Variants in ATP6V1H observed in about 807,000 individuals in gnomAD.
The protein encoded by ATP6V1H is ATPase H+ transporting V1 subunit H.
In ATP6V1H, 39 loss-of-function variants were observed where a neutral mutation model predicts 71.7. The ratio of observed to expected loss-of-function variants is 0.54; its 90% CI spans 0.42 to 0.71. ATP6V1H has a LOEUF of 0.71. Among genes scored for constraint, ATP6V1H ranks in the 30% least tolerant of loss-of-function variants. ATP6V1H has a pLI of 0.00. For synonymous variants in ATP6V1H, 192 were observed against 199.3 expected (o/e 0.96, Z 0.31); for missense variants, 509 against 594.9 (o/e 0.86, Z 1.50).
At chr8:53,729,709 G>C (rs929342753) in intron 13 of ATP6V1H, among the ~76,000 whole-genome samples, 54 of 152,202 alleles carry the variant, frequency 3.5e-4, no homozygotes, top group African/African-American at 1.3e-3. Flanking sequence ...TAAACTACAA[G>C]TGAGAAAGGA....
intron 7 of ATP6V1H, among the ~76,000 whole-genome samples, chr8:53,802,445 ACAGTGG>A (rs1809943310): frequency 1.3e-5 from 2 of 152,218 alleles, no homozygotes; most frequent in Non-Finnish European, 2.9e-5. Flanking sequence ...TAGGCTATGC[ACAGTGG>A]TTCATGCCTG....
intron 6 of ATP6V1H, among the ~76,000 whole-genome samples, chr8:53,813,220 GC>G (rs1810341784): frequency 6.6e-6 from 1 of 151,940 alleles, no homozygotes; most frequent in South Asian, 2.1e-4. Flanking sequence ...TTAAAACCGA[GC>G]CCCAAACCAG....
At chr8:53,806,270 G>A (rs889173485) in intron 7 of ATP6V1H, among the ~76,000 whole-genome samples, 1 of 151,842 alleles carries the variant, frequency 6.6e-6, no homozygotes, top group African/African-American at 2.4e-5. Flanking sequence ...AAAAAAAACT[G>A]TCATGACACT....
chr8:53,782,259 C>T (rs1483672953), intron 9 of ATP6V1H, among the ~76,000 whole-genome samples: 1 of 151,942 alleles, frequency 6.6e-6, no homozygotes, highest in African/African-American at 2.4e-5. Flanking sequence ...TCCTTCACAT[C>T]CCTTGTAAGT....
chr8:53,746,824 T>TA (rs1223559253), intron 12 of ATP6V1H, among the ~76,000 whole-genome samples: 1 of 152,172 alleles, frequency 6.6e-6, no homozygotes, highest in African/African-American at 2.4e-5. Flanking sequence ...AAAATATCAT[T>TA]AAAAAGACAA....
chr8:53,717,944 G>A (rs1018911015), intron 13 of ATP6V1H, among the ~76,000 whole-genome samples: 8 of 152,076 alleles, frequency 5.3e-5, no homozygotes, highest in African/African-American at 1.9e-4. Flanking sequence ...ACAGTAAGAC[G>A]TGGTTCTCTC....
In ATP6V1H at chr8:53,795,787, T is replaced by C. The variant is rs1165401886; in HGVS notation, c.730A>G (p.Ile244Val). The C allele has an allele frequency of 6.2e-7, 1 of 1,613,830 alleles. No homozygotes were observed. Among genetic ancestry groups the C allele is most frequent in the Non-Finnish European group, 8.5e-7 (1 of 1,179,954 alleles). ...AATGCCAGGAGCCATATTGAAAAAA[T>C]CATTTGATACTGGAGCTGAAAGCCA... ...KCGFQLQYQM[I>V]FSIWLLAFSP... Residue 244 changes from isoleucine (I) to valine (V), a missense_variant, in exon 9 of 14, where the codon ATT (isoleucine) becomes GTT (valine). This residue lies in a region of ATP6V1H where 297 missense variants were observed against 303.3 expected (regional missense o/e 0.98). Transcript: ENST00000359530.
In ATP6V1H at chr8:53,719,120, C is replaced by A. The variant is rs138494873; in HGVS notation, c.1392-3096G>T. Among the ~76,000 whole-genome samples the A allele has an allele frequency of 6.6e-5, 10 of 152,152 alleles. No individual in the cohort carries two copies. In the East Asian group the frequency reaches 1.5e-3, roughly 23 times the overall value. ...GGGTATTAAAAACACCTAACCTATA[C>A]GAACTTTGGGGAAAATCCACTCCTT... is the stretch of plus-strand genomic sequence containing the variant. On this transcript the variant is annotated intron_variant, in intron 13 of 13. Transcript: ENST00000359530.
chr8:53,807,454 C>A (rs1253658885), intron 7 of ATP6V1H, among the ~76,000 whole-genome samples: 2 of 151,576 alleles, frequency 1.3e-5, no homozygotes, highest in Non-Finnish European at 2.9e-5. Context: ...AAAAAAAAAA[C>A]TAAGTCCTTT....
chr8:53,775,047 G>A (rs1372505557), intron 9 of ATP6V1H, among the ~76,000 whole-genome samples: 3 of 152,232 alleles, frequency 2.0e-5, no homozygotes, highest in African/African-American at 2.4e-5. Flanking sequence ...AGTTCTTGAA[G>A]GCGGCGTGTC....
intron 9 of ATP6V1H, among the ~76,000 whole-genome samples, chr8:53,773,832 TA>T (rs1349351432): frequency 1.2e-4 from 18 of 152,142 alleles, no homozygotes; most frequent in African/African-American, 4.3e-4. Context: ...ATAAATTATT[TA>T]AAAAGAAACA....
intron 7 of ATP6V1H, among the ~76,000 whole-genome samples, chr8:53,806,546 G>A (rs1810083612): frequency 6.6e-6 from 1 of 151,888 alleles, no homozygotes; most frequent in Non-Finnish European, 1.5e-5. Context: ...TACATGACTA[G>A]TGGGAATCTT....
intron 7 of ATP6V1H, among the ~76,000 whole-genome samples, chr8:53,803,037 TAAG>T (rs1809965086): frequency 6.6e-6 from 1 of 152,098 alleles, no homozygotes; most frequent in Non-Finnish European, 1.5e-5. Context: ...CTTAAGACTT[TAAG>T]AAGTAGAGAA....
rs147936354 is a variant in ATP6V1H at position 53,798,476 on chromosome 8, G to C, written c.678-2637C>G. Among the ~76,000 whole-genome samples, 536 of 151,988 alleles carry C rather than the reference G, an allele frequency of 3.5e-3. 5 individuals are homozygous for C. Among genetic ancestry groups the C allele is most frequent in the South Asian group, 6.7e-3 (32 of 4,812 alleles). On this transcript the variant is annotated intron_variant, in intron 8 of 13. Coordinates refer to ENST00000359530, the MANE Select transcript of ATP6V1H (RefSeq NM_015941.4). ...GCGGAGGTTGCAGTGAGCTGAGATTGCACCACTGCACTCCAGCCTGGGTGA... is the reference window on the plus strand; with the variant it reads ...GCGGAGGTTGCAGTGAGCTGAGATTCCACCACTGCACTCCAGCCTGGGTGA...
chr8:53,757,611 T>C (rs1248306834), intron 11 of ATP6V1H, among the ~76,000 whole-genome samples: 1 of 152,142 alleles, frequency 6.6e-6, no homozygotes, highest in Non-Finnish European at 1.5e-5. Context: ...GACCAATATA[T>C]AAAAACAACT....
At chr8:53,806,083 AAAAG>A (rs1335573097) in intron 7 of ATP6V1H, among the ~76,000 whole-genome samples, 3 of 152,206 alleles carry the variant, frequency 2.0e-5, no homozygotes, top group Admixed American at 6.5e-5. Flanking sequence ...ATAATTTTAA[AAAAG>A]AAATAGAGAA....
chr8:53,798,165 A>G (rs1028755387), intron 8 of ATP6V1H, among the ~76,000 whole-genome samples: 1 of 152,228 alleles, frequency 6.6e-6, no homozygotes, highest in African/African-American at 2.4e-5. Flanking sequence ...TGTATATAAT[A>G]GGCTTTTTAA....
At chr8:53,830,726 G>A (rs1014634989) in intron 3 of ATP6V1H, among the ~76,000 whole-genome samples, 1 of 151,810 alleles carries the variant, frequency 6.6e-6, no homozygotes, top group Admixed American at 6.6e-5. Flanking sequence ...TAAGAAACAG[G>A]TTTAAAAAAA....
In ATP6V1H at chr8:53,770,893, T is replaced by C. The variant is rs2130316250; in HGVS notation, c.1049+1096A>G. ...AAGCCTATTCCTGGCCTGCCTATTA[T>C]AATCAATGTATCCATATTTGAAATA... On this transcript the variant is annotated intron_variant, in intron 10 of 13. Coordinates refer to ENST00000359530, the MANE Select transcript of ATP6V1H (RefSeq NM_015941.4). Among the ~76,000 whole-genome samples the C allele has an allele frequency of 1.3e-5, 2 of 152,334 alleles. 1 individual carries two copies. The highest frequency in any genetic ancestry group is 4.1e-4 in the South Asian group (2 of 4,824).
Sources: gnomAD v4.1 joint callset for allele counts (sites outside exome capture counted in the v4.1 genomes callset) on GRCh38, gnomAD v4.1.1 for gene constraint, gnomAD v4.1.1 regional missense constraint, MANE v1.5 for transcripts, NCBI Gene and HGNC (gene_info 2026-07-23, HGNC 2026-07-21) for gene names.